Variants in GRID1 observed in about 807,000 individuals in gnomAD.
GRID1 encodes glutamate ionotropic receptor delta type subunit 1, also known as glutamate receptor ionotropic, delta-1.
Under a neutral mutation model 98.0 loss-of-function variants are expected in GRID1, and 28 were observed. That is an observed-to-expected ratio of 0.29 (90% CI 0.21 to 0.39). The LOEUF (loss-of-function observed/expected upper bound fraction) is 0.39. Ranked by LOEUF, GRID1 falls within the 10% of genes least tolerant of loss-of-function variation. The probability of loss-of-function intolerance (pLI) is 1.00; values close to 1 mark genes in which losing one functional copy is unlikely to be tolerated. For missense variants in GRID1, 1,111 were observed against 1,340.5 expected, an observed-to-expected ratio of 0.83 and a Z score of 2.67; for synonymous variants, 553 against 538.5, an observed-to-expected ratio of 1.03 and a Z score of -0.37.
Position 85,769,360 on chromosome 10 carries a change from A to T in GRID1, c.1234-39746T>A, listed in dbSNP as rs531056244. 2.0e-5 allele frequency among the ~76,000 whole-genome samples: 3 copies of T among 152,348 alleles called. No homozygotes were observed. In the South Asian group the frequency reaches 6.2e-4, roughly 32 times the overall value. On this transcript the variant is annotated intron_variant, in intron 8 of 15. Transcript: ENST00000327946. ...GGAGCTGGAGCCAAGATGGCTGAAT[A>T]GGAACAGCTCCGGTCTACAGCTCCC...
intron 8 of GRID1, among the ~76,000 whole-genome samples, chr10:85,768,431 A>G (rs1842218882): frequency 6.6e-6 from 1 of 152,114 alleles, no homozygotes; most frequent in Non-Finnish European, 1.5e-5. Context: ...AAATGATAAT[A>G]ACAAAAAGAA....
chr10:85,707,681 C>G (rs1457212044), intron 12 of GRID1, among the ~76,000 whole-genome samples: 1 of 152,132 alleles, frequency 6.6e-6, no homozygotes, highest in African/African-American at 2.4e-5. Flanking sequence ...TATTGCGGCA[C>G]TATTCACAAT....
intron 6 of GRID1, 110 bp downstream of exon 6, chr10:85,868,900 C>A: frequency 1.2e-6 from 1 of 839,598 alleles, no homozygotes; most frequent in Non-Finnish European, 2.0e-6. Flanking sequence ...TGACAGAGCT[C>A]TAGTAATTGA....
chr10:85,956,151 T>G (rs540847208), intron 4 of GRID1, among the ~76,000 whole-genome samples: 1 of 152,228 alleles, frequency 6.6e-6, no homozygotes, highest in African/African-American at 2.4e-5. Context: ...TATCTTGTTT[T>G]CCAAATATTT....
chr10:86,270,760 GT>G (rs1342754139), intron 2 of GRID1, among the ~76,000 whole-genome samples: 1 of 152,058 alleles, frequency 6.6e-6, no homozygotes, highest in African/African-American at 2.4e-5. Context: ...GAGGAATCTA[GT>G]TTGCCAATCA....
chr10:85,672,966 T>C (rs1841104386), intron 12 of GRID1, among the ~76,000 whole-genome samples: 1 of 152,214 alleles, frequency 6.6e-6, no homozygotes, highest in South Asian at 2.1e-4. Context: ...TGAAACCTTC[T>C]GAAAAGGATT....
intron 2 of GRID1, among the ~76,000 whole-genome samples, chr10:86,277,474 T>C (rs949125558): frequency 6.6e-6 from 1 of 152,218 alleles, no homozygotes; most frequent in African/African-American, 2.4e-5. Flanking sequence ...ATTTTTTACA[T>C]AATTTAAAAA....
At chr10:86,227,652 GC>G (rs1846375189) in intron 2 of GRID1, among the ~76,000 whole-genome samples, 1 of 151,848 alleles carries the variant, frequency 6.6e-6, no homozygotes, top group South Asian at 2.1e-4. Flanking sequence ...ACACGTCTGA[GC>G]CCCAGCCCAT....
chr10:85,834,866 T>C (rs921927532), intron 8 of GRID1, among the ~76,000 whole-genome samples: 3 of 152,120 alleles, frequency 2.0e-5, no homozygotes, highest in African/African-American at 7.2e-5. Context: ...ATACTTATCT[T>C]AAGGATGTAA....
At chr10:86,238,637 T>C (rs796129297) in intron 2 of GRID1, among the ~76,000 whole-genome samples, 1 of 128,538 alleles carries the variant, frequency 7.8e-6, no homozygotes, top group South Asian at 2.6e-4. Flanking sequence ...ACCACTGCAC[T>C]CCAGCCTGGT....
At chr10:85,762,461 G>A (rs1842156345) in intron 8 of GRID1, among the ~76,000 whole-genome samples, 1 of 152,204 alleles carries the variant, frequency 6.6e-6, no homozygotes, top group Non-Finnish European at 1.5e-5. Context: ...CTCCTAGGGT[G>A]TAGAGCTTCC....
chr10:86,129,876 C>T (rs1304561315), intron 4 of GRID1, among the ~76,000 whole-genome samples: 3 of 152,246 alleles, frequency 2.0e-5, no homozygotes, highest in Non-Finnish European at 2.9e-5. Context: ...GCCTGTTGAG[C>T]TGACTTCATG....
intron 8 of GRID1, among the ~76,000 whole-genome samples, chr10:85,830,355 C>A (rs1261804438): frequency 6.6e-6 from 1 of 152,020 alleles, no homozygotes; most frequent in Non-Finnish European, 1.5e-5. Flanking sequence ...ACTAAAATCA[C>A]TGGAAAACAA....
intron 4 of GRID1, among the ~76,000 whole-genome samples, chr10:86,029,182 C>T (rs1843153709): frequency 6.6e-6 from 1 of 152,208 alleles, no homozygotes; most frequent in Non-Finnish European, 1.5e-5. Flanking sequence ...TTCCACTTCC[C>T]CCCAAAACCC....
chr10:85,876,786 C>T (rs1463032184), intron 5 of GRID1, among the ~76,000 whole-genome samples: 3 of 152,186 alleles, frequency 2.0e-5, no homozygotes, highest in African/African-American at 7.2e-5. Flanking sequence ...CACCGTGTGC[C>T]AGCCGAAGGA....
chr10:86,255,595 T>G (rs1846904982), intron 2 of GRID1, among the ~76,000 whole-genome samples: 1 of 152,102 alleles, frequency 6.6e-6, no homozygotes, highest in South Asian at 2.1e-4. Context: ...AGTCGCAAGC[T>G]CTCTTGCCCG....
chr10:85,988,017 T>G (rs1842633716), intron 4 of GRID1, among the ~76,000 whole-genome samples: 1 of 152,106 alleles, frequency 6.6e-6, no homozygotes, highest in African/African-American at 2.4e-5. Context: ...CGCATTAAAT[T>G]CCAGCTCAAA....
At chr10:85,718,793 G>A (rs980738417) in intron 12 of GRID1, among the ~76,000 whole-genome samples, 11 of 152,222 alleles carry the variant, frequency 7.2e-5, no homozygotes, top group Admixed American at 1.3e-4. Context: ...ATGGCCTGGA[G>A]ACATTTTCCC....
At chr10:85,770,593 T>C (rs530736884) in intron 8 of GRID1, among the ~76,000 whole-genome samples, 2 of 152,132 alleles carry the variant, frequency 1.3e-5, no homozygotes, top group East Asian at 1.9e-4. Context: ...CTTAGACGAA[T>C]GTATAACTAG....
Sources: gnomAD v4.1 joint callset for allele counts (sites outside exome capture counted in the v4.1 genomes callset) on GRCh38, gnomAD v4.1.1 for gene constraint, MANE v1.5 for transcripts, NCBI Gene and HGNC (gene_info 2026-07-23, HGNC 2026-07-21) for gene names.